The following VAV2 variants were observed in gnomAD, a reference collection of about 807,000 sequenced individuals.
The protein encoded by VAV2 is guanine nucleotide exchange factor VAV2.
VAV2 carries 67 observed loss-of-function variants against 132.5 expected under a neutral mutation model. That is an observed-to-expected ratio of 0.51 (90% CI 0.42 to 0.62). The LOEUF is 0.62. VAV2 is among the 20% of genes least tolerant of loss of function. VAV2 has a pLI of 0.00. For synonymous variants in VAV2, 492 were observed against 443.5 expected (o/e 1.11, Z -1.37); for missense variants, 938 against 1,153.6 (o/e 0.81, Z 2.71).
At chr9:133,818,605 G>A (rs919548344) in intron 4 of VAV2, among the ~76,000 whole-genome samples, 2 of 152,126 alleles carry the variant, frequency 1.3e-5, no homozygotes, top group Non-Finnish European at 2.9e-5. Flanking sequence ...TGGCTTTCCT[G>A]GGTCTCCAGC....
intron 1 of VAV2, among the ~76,000 whole-genome samples, chr9:133,953,260 G>A (rs563548841): frequency 6.6e-6 from 1 of 152,360 alleles, no homozygotes; most frequent in South Asian, 2.1e-4. Flanking sequence ...GGCAACTCCG[G>A]TGGCCAGCTG....
At chr9:133,796,213 CT>C (rs779671518) in intron 11 of VAV2, among the ~76,000 whole-genome samples, 1 of 152,190 alleles carries the variant, frequency 6.6e-6, no homozygotes, top group Non-Finnish European at 1.5e-5. Flanking sequence ...TTTCTGACCT[CT>C]TTAGTGATTG....
At chr9:133,880,937 G>C (rs1564431442) in intron 2 of VAV2, among the ~76,000 whole-genome samples, 1 of 152,228 alleles carries the variant, frequency 6.6e-6, no homozygotes, top group Non-Finnish European at 1.5e-5. Context: ...AGGATCCCTG[G>C]GCATGAGCCT....
At position 133,762,379 on chromosome 9, in the gene VAV2, T is replaced by G. The variant is rs1223802443; in HGVS notation, c.*1683A>C. The stretch of plus-strand genomic sequence containing the variant: ...AGATTTGGATGAAATAATTACAAAC[T>G]TTTTTCCCCTTAAAAAACAAACAAG... On this transcript the variant is annotated 3_prime_UTR_variant, in exon 30 of 30. Coordinates refer to ENST00000371850, the MANE Select transcript of VAV2 (RefSeq NM_001134398.2). This position sits in a 1 kb window ranked among gnomAD's most constrained non-coding sequence, Gnocchi z 5.0. 6.6e-6 allele frequency: 1 copy of G among 152,528 alleles called. No homozygotes were observed. Among genetic ancestry groups the G allele is most frequent in the Non-Finnish European group, 1.5e-5 (1 of 68,020 alleles). The allele number at this position is 152,528 out of a possible 1,614,324, so 9.4% of individuals were successfully genotyped here.
At chr9:133,989,611 G>A (rs1457211993) in intron 1 of VAV2, among the ~76,000 whole-genome samples, 1 of 151,724 alleles carries the variant, frequency 6.6e-6, no homozygotes, top group African/African-American at 2.4e-5. Flanking sequence ...CCTGAACCCA[G>A]GAGGTGGAGG....
intron 9 of VAV2, among the ~76,000 whole-genome samples, chr9:133,805,852 A>G (rs1200499752): frequency 6.6e-6 from 1 of 152,080 alleles, no homozygotes. Context: ...CAGAACCCCA[A>G]TCCTGCCCCT....
intron 2 of VAV2, among the ~76,000 whole-genome samples, chr9:133,929,426 T>C (rs547148928): frequency 6.6e-6 from 1 of 152,246 alleles, no homozygotes; most frequent in East Asian, 1.9e-4. Context: ...GGTGCTGTGC[T>C]GACAGGTGGG....
chr9:133,906,322 C>T (rs1839652197), intron 2 of VAV2, among the ~76,000 whole-genome samples: 1 of 152,246 alleles, frequency 6.6e-6, no homozygotes. Flanking sequence ...AGCCACATCT[C>T]CCAGTGTGGG....
intron 4 of VAV2, among the ~76,000 whole-genome samples, chr9:133,813,726 T>G (rs891595294): frequency 1.3e-5 from 2 of 152,124 alleles, no homozygotes; most frequent in African/African-American, 2.4e-5. Context: ...GTGAGTGAGG[T>G]GGATGAAAGC....
At chr9:133,894,044 G>A (rs1209610381) in intron 2 of VAV2, among the ~76,000 whole-genome samples, 1 of 152,188 alleles carries the variant, frequency 6.6e-6, no homozygotes, top group Non-Finnish European at 1.5e-5. Flanking sequence ...CCACCCCACA[G>A]CCCATGGCTG....
In VAV2 at chr9:133,964,233, C is replaced by T. The variant is rs1842075037; in HGVS notation, c.205-25014G>A. 2.0e-5 allele frequency among the ~76,000 whole-genome samples: 3 copies of T among 150,678 alleles called. No homozygotes were observed. The South Asian group carries it at 6.3e-4, about 32-fold the overall frequency. On this transcript the variant is annotated intron_variant, in intron 1 of 29. Transcript: ENST00000371850. ...ATTGGCCAGGCGCAGTGGCACACGCCTGTAGTCCCAGCTACTAAGGAGGCT... is the reference window on the plus strand; with the variant it reads ...ATTGGCCAGGCGCAGTGGCACACGCTTGTAGTCCCAGCTACTAAGGAGGCT...
rs1244962242 is a variant in VAV2, at chr9:133,762,396, AC to A, written c.*1665del. On this transcript the variant is annotated 3_prime_UTR_variant, in exon 30 of 30. Transcript: ENST00000371850. This position sits in a 1 kb window ranked among gnomAD's most constrained non-coding sequence, Gnocchi z 5.0. ...TTACAAACTTTTTTCCCCTTAAAAA[AC>A]AAACAAGCCAAACAAAACACAAACA... 2.6e-5 allele frequency: 4 copies of A among 152,700 alleles called. No homozygotes were observed. The highest frequency in any genetic ancestry group is 6.5e-5 in the Admixed American group (1 of 15,304). 9.5% of individuals were successfully genotyped at this position (152,700 alleles called of 1,614,324 possible). A position where few individuals can be genotyped will look rare whatever the true frequency, so the allele number is the denominator to read the frequency against.
At chr9:133,818,397 C>T (rs1315175795) in intron 4 of VAV2, among the ~76,000 whole-genome samples, 2 of 151,530 alleles carry the variant, frequency 1.3e-5, no homozygotes, top group Non-Finnish European at 2.9e-5. Context: ...GGTGGACTTG[C>T]TCTCTTCTGA....
At chr9:133,894,964 A>G (rs949109853) in intron 2 of VAV2, among the ~76,000 whole-genome samples, 7 of 152,194 alleles carry the variant, frequency 4.6e-5, no homozygotes, top group Non-Finnish European at 1.0e-4. Flanking sequence ...CATCGGTGTC[A>G]CCGCTGTTGA....
At chr9:133,911,019 C>T (rs1038243082) in intron 2 of VAV2, among the ~76,000 whole-genome samples, 6 of 152,042 alleles carry the variant, frequency 3.9e-5, no homozygotes, top group East Asian at 3.9e-4. Context: ...CTGGGAGCGC[C>T]GTGGCCTCCT....
At chr9:133,976,535 A>T (rs890376198) in intron 1 of VAV2, among the ~76,000 whole-genome samples, 1 of 152,188 alleles carries the variant, frequency 6.6e-6, no homozygotes, top group African/African-American at 2.4e-5. Flanking sequence ...GGGAGAGGCT[A>T]TTTATTTTAA....
chr9:133,783,643 G>A, intron 18 of VAV2, 52 bp from the exon 19 acceptor site: 1 of 1,563,710 alleles, frequency 6.4e-7, no homozygotes, highest in South Asian at 1.1e-5. Flanking sequence ...GGCTCCTCAT[G>A]CCTCTCTGCC....
chr9:133,781,856 A>G (rs1347871700), intron 19 of VAV2, among the ~76,000 whole-genome samples: 3 of 152,222 alleles, frequency 2.0e-5, no homozygotes, highest in Non-Finnish European at 4.4e-5. Flanking sequence ...AGGACATGGG[A>G]GAATGCAGAC....
intron 1 of VAV2, among the ~76,000 whole-genome samples, chr9:133,972,850 C>T (rs1010541363): frequency 9.2e-5 from 14 of 152,198 alleles, no homozygotes; most frequent in African/African-American, 3.4e-4. Context: ...CGAGATCTCA[C>T]GTGCCCACTG....
Sources: allele counts gnomAD v4.1 joint callset (sites outside exome capture counted in the v4.1 genomes callset), GRCh38; gene constraint gnomAD v4.1.1; non-coding constraint Gnocchi (gnomAD v3.1); transcripts MANE v1.5; gene names NCBI Gene and HGNC (gene_info 2026-07-23, HGNC 2026-07-21).